Variants in BRAF observed in about 807,000 individuals in gnomAD.
BRAF encodes B-Raf proto-oncogene, serine/threonine kinase.
Under a neutral mutation model 104.6 loss-of-function variants are expected in BRAF, and 16 were observed. The observed-to-expected ratio is 0.15, with a 90% confidence interval of 0.10 to 0.23. The LOEUF (loss-of-function observed/expected upper bound fraction) is 0.23, where lower values mean the gene tolerates loss of function less well. Ranked by LOEUF, BRAF falls within the 10% of genes least tolerant of loss-of-function variation. The pLI is 1.00. For synonymous variants in BRAF, 310 were observed against 341.6 expected (o/e 0.91, Z 1.02); for missense variants, 541 against 937.3 (o/e 0.58, Z 5.52).
chr7:140,750,050 G>A (rs1797663870), intron 16 of BRAF, among the ~76,000 whole-genome samples: 2 of 152,132 alleles, frequency 1.3e-5, no homozygotes, highest in South Asian at 4.1e-4. Flanking sequence ...GCTGCTTCTT[G>A]GGCAATGAAA....
At chr7:140,760,014 T>A (rs888875036) in intron 14 of BRAF, among the ~76,000 whole-genome samples, 2 of 152,222 alleles carry the variant, frequency 1.3e-5, no homozygotes. Context: ...AAGAAGTGTG[T>A]GATCAACTGT....
intron 1 of BRAF, among the ~76,000 whole-genome samples, chr7:140,892,855 TAG>T (rs1334664928): frequency 6.6e-6 from 1 of 152,198 alleles, no homozygotes; most frequent in African/African-American, 2.4e-5. Context: ...TACAGTTTGC[TAG>T]AGGAGAGAAC....
intron 3 of BRAF, among the ~76,000 whole-genome samples, chr7:140,817,906 A>G (rs1373649247): frequency 1.3e-5 from 2 of 152,248 alleles, no homozygotes; most frequent in Non-Finnish European, 2.9e-5. Flanking sequence ...ACTTGATAAT[A>G]GCATTGAATG....
At chr7:140,730,338 C>T (rs1030931033) in intron 19 of BRAF, among the ~76,000 whole-genome samples, 2 of 151,794 alleles carry the variant, frequency 1.3e-5, no homozygotes, top group Admixed American at 1.3e-4. Flanking sequence ...TTTCTTTCCC[C>T]TTCTTTCAGG....
intron 1 of BRAF, among the ~76,000 whole-genome samples, chr7:140,905,364 G>A (rs1460363131): frequency 6.6e-6 from 1 of 152,146 alleles, no homozygotes; most frequent in African/African-American, 2.4e-5. Context: ...AATCTTCACA[G>A]TGAATTGGTC....
chr7:140,828,539 T>C (rs768647017), intron 3 of BRAF, among the ~76,000 whole-genome samples: 1 of 152,178 alleles, frequency 6.6e-6, no homozygotes, highest in Non-Finnish European at 1.5e-5. Context: ...AATAAGTAAG[T>C]AATATCAGAG....
At chr7:140,796,127 G>C (rs1802466627) in intron 7 of BRAF, among the ~76,000 whole-genome samples, 1 of 152,076 alleles carries the variant, frequency 6.6e-6, no homozygotes, top group African/African-American at 2.4e-5. Context: ...AAAGCAGGTG[G>C]ATCACCTGAG....
intron 1 of BRAF, among the ~76,000 whole-genome samples, chr7:140,903,677 A>G (rs1320848470): frequency 6.6e-6 from 1 of 152,252 alleles, no homozygotes; most frequent in Non-Finnish European, 1.5e-5. Context: ...TCTGGGCAAC[A>G]TTAATTGAAA....
intron 3 of BRAF, among the ~76,000 whole-genome samples, chr7:140,816,976 A>G (rs1290424780): frequency 1.3e-5 from 2 of 149,170 alleles, no homozygotes; most frequent in African/African-American, 2.5e-5. Flanking sequence ...TGGATAAGAG[A>G]AAAAAAAAAG....
intron 3 of BRAF, among the ~76,000 whole-genome samples, chr7:140,812,106 T>G (rs1804334790): frequency 6.6e-6 from 1 of 151,838 alleles, no homozygotes; most frequent in Admixed American, 6.6e-5. Flanking sequence ...TGTTTTTAAT[T>G]TTTTACTTTT....
chr7:140,826,086 T>C (rs1258987372), intron 3 of BRAF, among the ~76,000 whole-genome samples: 1 of 152,226 alleles, frequency 6.6e-6, no homozygotes, highest in African/African-American at 2.4e-5. Flanking sequence ...CTTTCTTCAC[T>C]TTCCAGAGTT....
intron 3 of BRAF, among the ~76,000 whole-genome samples, chr7:140,833,117 C>T (rs868566075): frequency 1.3e-5 from 2 of 152,084 alleles, no homozygotes; most frequent in African/African-American, 4.8e-5. Flanking sequence ...ACCTCCTGAC[C>T]TCGTGATCTG....
chr7:140,731,430 C>G (rs1166455538), intron 19 of BRAF: 3 of 152,142 alleles, frequency 2.0e-5, no homozygotes, highest in African/African-American at 7.2e-5. Context: ...AAAAGTTTTA[C>G]AGAAATGCTC....
intron 1 of BRAF, among the ~76,000 whole-genome samples, chr7:140,902,685 CA>C (rs1294425380): frequency 2.6e-5 from 4 of 152,214 alleles, no homozygotes; most frequent in Non-Finnish European, 5.9e-5. Flanking sequence ...ATAATCCCAG[CA>C]TTTTCAGAGG....
At chr7:140,758,582 G>A (rs941654277) in intron 14 of BRAF, among the ~76,000 whole-genome samples, 4 of 151,936 alleles carry the variant, frequency 2.6e-5, no homozygotes, top group African/African-American at 9.7e-5. Context: ...AGCATCTTGT[G>A]TAGCTGGGAC....
chr7:140,885,191 C>T (rs373119584), intron 1 of BRAF, among the ~76,000 whole-genome samples: 4 of 152,072 alleles, frequency 2.6e-5, no homozygotes, highest in South Asian at 2.1e-4. Context: ...TTGGTAAAGA[C>T]GAGGTTTCAT....
chr7:140,801,307 G>A (rs1586212772), intron 6 of BRAF, 105 bp downstream of exon 6: 4 of 1,307,306 alleles, frequency 3.1e-6, no homozygotes, highest in Non-Finnish European at 4.3e-6. Context: ...TATAACAATC[G>A]TATGGAAGAA....
At chr7:140,785,303 T>C (rs139677538) in intron 10 of BRAF, among the ~76,000 whole-genome samples, 142 of 152,240 alleles carry the variant, frequency 9.3e-4, no homozygotes, top group African/African-American at 2.8e-3. Context: ...TTAACAAATA[T>C]TAAGTCATCA....
intron 8 of BRAF, among the ~76,000 whole-genome samples, chr7:140,790,761 C>T (rs1295135735): frequency 1.3e-5 from 2 of 152,218 alleles, no homozygotes; most frequent in Admixed American, 1.3e-4. Flanking sequence ...TTTCTCTTCA[C>T]TGCCTTCTTC....
Sources: gnomAD v4.1 joint callset for allele counts (sites outside exome capture counted in the v4.1 genomes callset) on GRCh38, gnomAD v4.1.1 for gene constraint, MANE v1.5 for transcripts, NCBI Gene and HGNC (gene_info 2026-07-23, HGNC 2026-07-21) for gene names.